The following NAALADL2 variants were observed in gnomAD, a reference collection of about 807,000 sequenced individuals.
NAALADL2 encodes the protein inactive N-acetylated-alpha-linked acidic dipeptidase-like protein 2.
A neutral mutation model predicts 87.2 loss-of-function variants in NAALADL2; 76 were observed. The ratio of observed to expected loss-of-function variants is 0.87; its 90% CI spans 0.72 to 1.05. NAALADL2 has a LOEUF of 1.05. NAALADL2 is among the 50% of genes least tolerant of loss of function. The probability of loss-of-function intolerance (pLI) is 0.00; values close to 1 mark genes in which losing one functional copy is unlikely to be tolerated. For synonymous variants in NAALADL2, 354 were observed against 331.0 expected, an observed-to-expected ratio of 1.07 and a Z score of -0.75; for missense variants, 1,089 against 945.8, an observed-to-expected ratio of 1.15 and a Z score of -1.99.
chr3:175,087,627 G>A (rs1474275128), intron 1 of NAALADL2, among the ~76,000 whole-genome samples: 1 of 152,124 alleles, frequency 6.6e-6, no homozygotes, highest in East Asian at 1.9e-4. Flanking sequence ...CGTGCTCTCT[G>A]AAACATGTGC....
chr3:175,288,630 G>T (rs546345461), intron 4 of NAALADL2, among the ~76,000 whole-genome samples: 6 of 152,064 alleles, frequency 3.9e-5, no homozygotes, highest in Admixed American at 1.3e-4. Context: ...ACGTCCAAGT[G>T]GTTTCTCAGC....
intron 9 of NAALADL2, among the ~76,000 whole-genome samples, chr3:175,506,414 A>G (rs1432531914): frequency 6.6e-6 from 1 of 152,208 alleles, no homozygotes; most frequent in African/African-American, 2.4e-5. Flanking sequence ...TACAACATTT[A>G]GGAACTATCA....
At chr3:174,460,586 T>C (rs1443879630) in intron 1 of NAALADL2, among the ~76,000 whole-genome samples, 1 of 151,886 alleles carries the variant, frequency 6.6e-6, no homozygotes, top group African/African-American at 2.4e-5. Flanking sequence ...TTTTTCCTTC[T>C]TTTTTCTTTT....
At chr3:175,456,749 A>G (rs1396485160) in intron 6 of NAALADL2, among the ~76,000 whole-genome samples, 3 of 152,038 alleles carry the variant, frequency 2.0e-5, no homozygotes, top group African/African-American at 7.2e-5. Context: ...CATTACTACC[A>G]TGCATTCCAC....
chr3:175,125,538 C>T (rs142462458), intron 2 of NAALADL2, among the ~76,000 whole-genome samples: 55 of 151,994 alleles, frequency 3.6e-4, no homozygotes, highest in Admixed American at 8.5e-4. Flanking sequence ...GTCAAATGAA[C>T]GGGATCCTTT....
At chr3:174,640,746 G>C (rs938439) in intron 2 of NAALADL2, among the ~76,000 whole-genome samples, 77,028 of 152,046 alleles carry the variant, frequency 0.51, 20,015 homozygotes, top group Middle Eastern at 0.65. Context: ...TTTTGCCTGC[G>C]TGCTTGAGGC....
intron 2 of NAALADL2, among the ~76,000 whole-genome samples, chr3:174,684,433 C>T (rs768153818): frequency 7.9e-5 from 12 of 151,938 alleles, no homozygotes; most frequent in Non-Finnish European, 1.5e-5. Flanking sequence ...TGTCTGTTAA[C>T]CTCTTTACAA....
rs563352563 is a variant in NAALADL2, at chr3:175,525,756, A to T, written c.1654-50285A>T. Among the ~76,000 whole-genome samples, 216 of 152,282 alleles carry T rather than the reference A, an allele frequency of 1.4e-3. 1 individual carries two copies. The highest frequency in any genetic ancestry group is 3.4e-3 in the Middle Eastern group (1 of 294). ...ACATTTGACTATAGAACACCTAATTAAAAAGATGTCATATATTACAAAGTT... is the reference window on the plus strand; with the variant it reads ...ACATTTGACTATAGAACACCTAATTTAAAAGATGTCATATATTACAAAGTT... On this transcript the variant is annotated intron_variant, in intron 9 of 13. Transcript: ENST00000454872.
chr3:175,790,587 A>C (rs959856500), intron 13 of NAALADL2, among the ~76,000 whole-genome samples: 1 of 152,204 alleles, frequency 6.6e-6, no homozygotes, highest in African/African-American at 2.4e-5. Context: ...AACAACACAT[A>C]TGATGCAACG....
chr3:175,119,887 C>CATATATATATATAT lies in NAALADL2; in HGVS notation c.545+22598_545+22611dup, dbSNP rs10688417. Among the ~76,000 whole-genome samples, 16 of 143,136 alleles carry CATATATATATATAT rather than the reference C, an allele frequency of 1.1e-4. No individual in the cohort carries two copies. The South Asian group carries it at 3.3e-3, about 29-fold the overall frequency. The allele number at this position is 143,136 out of a possible 152,430, so 93.9% of individuals were successfully genotyped here. A position where few individuals can be genotyped will look rare whatever the true frequency, so the allele number is the denominator to read the frequency against. On this transcript the variant is annotated intron_variant, in intron 2 of 13. Transcript: ENST00000454872. ...GTGTATGTGTATGTGTATATATATA[C>CATATATATATATAT]ATATATATATATATAAAGAATAGGA...
In NAALADL2 at chr3:175,365,373, T is replaced by A. The variant is rs1172826906; in HGVS notation, c.1090+41048T>A. Among the ~76,000 whole-genome samples the A allele has an allele frequency of 1.4e-5, 2 of 147,570 alleles. 1 individual carries two copies. The highest frequency in any genetic ancestry group is 4.9e-5 in the African/African-American group (2 of 40,652). The stretch of plus-strand genomic sequence containing the variant: ...GAATTTTTGCAAAAATCTATTTAGA[T>A]AATATTATTATCCTCATTTTACAGC... On this transcript the variant is annotated intron_variant, in intron 5 of 13. Transcript: ENST00000454872.
At position 175,609,988 on chromosome 3, in the gene NAALADL2, T is replaced by TA. The variant is rs1285876068; in HGVS notation, c.1801-17294dup. On this transcript the variant is annotated intron_variant, in intron 10 of 13. Transcript: ENST00000454872. ...TTCTTTATGCTAGTTCTTTTCAATG[T>TA]AAAAAAAAAGGAATTTACCTAATTT... Among the ~76,000 whole-genome samples, 375 of 150,916 alleles carry TA rather than the reference T, an allele frequency of 2.5e-3. 3 individuals carry two copies. Among genetic ancestry groups the TA allele is most frequent in the African/African-American group, 8.1e-3 (334 of 41,252 alleles).
rs541793289 is a variant in NAALADL2 at position 175,487,730 on chromosome 3, T to C, written c.1653+15972T>C. 4.0e-5 allele frequency: 12 copies of C among 302,856 alleles called. No homozygotes were observed. The East Asian group carries it at 9.2e-4, about 23-fold the overall frequency. The allele number at this position is 302,856 out of a possible 1,614,324, so 18.8% of individuals were successfully genotyped here. A position where few individuals can be genotyped will look rare whatever the true frequency, so the allele number is the denominator to read the frequency against. On this transcript the variant is annotated intron_variant, in intron 9 of 13. Transcript: ENST00000454872. ...TTCTTAAATAAATGCAAACAGTGTCTGAACAACTTAATGTAAAGATACATT... is the reference window on the plus strand; with the variant it reads ...TTCTTAAATAAATGCAAACAGTGTCCGAACAACTTAATGTAAAGATACATT...
In NAALADL2 at chr3:175,174,808, T is replaced by C. The variant is rs533694598; in HGVS notation, c.546-59123T>C. Among the ~76,000 whole-genome samples the C allele has an allele frequency of 1.9e-4, 28 of 146,716 alleles. No individual in the cohort carries two copies. In the East Asian group the frequency reaches 3.3e-3, roughly 17 times the overall value. On this transcript the variant is annotated intron_variant, in intron 2 of 13. Coordinates refer to ENST00000454872, the MANE Select transcript of NAALADL2 (RefSeq NM_207015.3). ...GTGTGTATATATATGTGTGTGTGTG[T>C]GCGCTATATATGTATACACACACAC...
intron 5 of NAALADL2, among the ~76,000 whole-genome samples, chr3:175,433,196 T>G (rs1026971345): frequency 1.3e-5 from 2 of 152,004 alleles, no homozygotes; most frequent in African/African-American, 4.8e-5. Flanking sequence ...TGGAATAACT[T>G]CTTGGACTCT....
At chr3:175,701,261 G>A (rs1017508802) in intron 11 of NAALADL2, among the ~76,000 whole-genome samples, 1 of 152,142 alleles carries the variant, frequency 6.6e-6, no homozygotes, top group Non-Finnish European at 1.5e-5. Context: ...GCTTTTCCTG[G>A]TTGGTCTTGT....
intron 2 of NAALADL2, among the ~76,000 whole-genome samples, chr3:174,705,429 T>C (rs1417035744): frequency 6.6e-6 from 1 of 152,154 alleles, no homozygotes; most frequent in African/African-American, 2.4e-5. Context: ...ATATAACTTA[T>C]CATTACACAG....
At chr3:174,484,908 G>GT (rs1249916050) in intron 1 of NAALADL2, among the ~76,000 whole-genome samples, 1 of 151,854 alleles carries the variant, frequency 6.6e-6, no homozygotes, top group Non-Finnish European at 1.5e-5. Flanking sequence ...CCTATAGGCA[G>GT]TATTTGCTTA....
chr3:175,235,876 C>T (rs1054425160), intron 3 of NAALADL2: 2 of 152,110 alleles, frequency 1.3e-5, no homozygotes, highest in Non-Finnish European at 2.9e-5. Context: ...TAGCATGGCC[C>T]TCTGTAATAA....
Sources: gnomAD v4.1 joint callset for allele counts (sites outside exome capture counted in the v4.1 genomes callset) on GRCh38, gnomAD v4.1.1 for gene constraint, MANE v1.5 for transcripts, NCBI Gene and HGNC (gene_info 2026-07-23, HGNC 2026-07-21) for gene names.